The following FLVCR2 variants were observed in gnomAD, a reference collection of about 807,000 sequenced individuals.
FLVCR2 encodes choline/ethanolamine transporter FLVCR2.
FLVCR2 carries 38 observed loss-of-function variants against 48.9 expected under a neutral mutation model. The observed-to-expected ratio is 0.78, with a 90% CI of 0.60 to 1.02. The LOEUF (loss-of-function observed/expected upper bound fraction) is 1.02, where lower values mean the gene tolerates loss of function less well. FLVCR2 is among the 50% of genes least tolerant of loss of function. The pLI is 0.00. For synonymous variants in FLVCR2, 255 were observed against 257.0 expected, an observed-to-expected ratio of 0.99 and a Z score of 0.07; for missense variants, 664 against 663.3, an observed-to-expected ratio of 1.00 and a Z score of -0.01.
At position 75,579,177 on chromosome 14, in the gene FLVCR2, AG is replaced by A. The variant is rs779695885; in HGVS notation, c.206del (p.Ser69ThrfsTer9). 6.2e-7 allele frequency: 1 copy of A among 1,614,114 alleles called. No homozygotes were observed. Among genetic ancestry groups the A allele is most frequent in the Non-Finnish European group, 8.5e-7 (1 of 1,180,026 alleles). ...AQPSGLAHPS[S>X]SGPEDLSVIK... ...ACCCAGTGGCTTGGCTCACCCCAGT[AG>A]CTCGGGCCCTGAGGACCTCAGCGTG... On this transcript the variant is annotated frameshift_variant, in exon 1 of 10. Coordinates refer to ENST00000238667, the MANE Select transcript of FLVCR2 (RefSeq NM_017791.3). LOFTEE classifies it high-confidence loss of function.
chr14:75,624,482 A>T, intron 2 of FLVCR2, 130 bp from the exon 3 acceptor site: 1 of 1,081,884 alleles, frequency 9.2e-7, no homozygotes, highest in Non-Finnish European at 1.4e-6. Context: ...GGGTTTAATT[A>T]AAGAATTACT....
At chr14:75,614,380 GCGCCA>G (rs1889553313) in intron 1 of FLVCR2, among the ~76,000 whole-genome samples, 1 of 152,170 alleles carries the variant, frequency 6.6e-6, no homozygotes, top group South Asian at 2.1e-4. Context: ...TATTGAGTAA[GCGCCA>G]GACTAGCAAG....
chr14:75,618,586 A>G (rs558565861), intron 1 of FLVCR2, among the ~76,000 whole-genome samples: 1 of 152,340 alleles, frequency 6.6e-6, no homozygotes, highest in Admixed American at 6.5e-5. Context: ...TTGCCTTCCC[A>G]AGGTGGGTCT....
chr14:75,633,361 A>AT (rs1232462483), intron 3 of FLVCR2, among the ~76,000 whole-genome samples: 1 of 152,168 alleles, frequency 6.6e-6, no homozygotes, highest in East Asian at 1.9e-4. Flanking sequence ...AACAGAATCT[A>AT]TTTTCCAGGG....
In FLVCR2 at chr14:75,634,953, T is replaced by C. The variant is rs187350033; in HGVS notation, c.1064T>C (p.Ile355Thr). 6.8e-6 allele frequency: 11 copies of C among 1,614,120 alleles called. No homozygotes were observed. The Admixed American group carries it at 1.3e-4, about 20-fold the overall frequency. Reference sequence around the variant, plus strand: ...GGAAGAATTGGCCTGACGATCGTCATTGCAGGAATGCTTGGGGCTGTGATC... The same window carrying C: ...GGAAGAATTGGCCTGACGATCGTCACTGCAGGAATGCTTGGGGCTGTGATC... ...NAGRIGLTIV[I>T]AGMLGAVISG... is the part of the protein sequence containing the mutation. The change falls in exon 5 of 10, where the codon ATT becomes ACT. Residue 355 changes from isoleucine to threonine, a missense_variant. Ile to Thr is a moderately conservative substitution (Grantham distance 89, BLOSUM62 -1). Transcript: ENST00000238667.
chr14:75,588,702 C>G (rs934178218), intron 1 of FLVCR2, among the ~76,000 whole-genome samples: 5 of 152,188 alleles, frequency 3.3e-5, no homozygotes, highest in African/African-American at 1.2e-4. Context: ...TGGTCTTGAA[C>G]TCCTGACCTC....
At chr14:75,626,367 G>T (rs1486563230) in intron 3 of FLVCR2, among the ~76,000 whole-genome samples, 1 of 151,774 alleles carries the variant, frequency 6.6e-6, no homozygotes, top group African/African-American at 2.4e-5. Context: ...TTCATTTTAG[G>T]CTCAACAATA....
intron 1 of FLVCR2, among the ~76,000 whole-genome samples, chr14:75,597,350 A>G (rs962721432): frequency 4.6e-5 from 7 of 151,836 alleles, no homozygotes; most frequent in Non-Finnish European, 1.0e-4. Flanking sequence ...CATGGAACTG[A>G]ATTTCAGTTC....
intron 5 of FLVCR2, 50 bp from the exon 6 acceptor site, chr14:75,639,302 C>T (rs773111814): frequency 9.3e-7 from 1 of 1,080,948 alleles, no homozygotes; most frequent in Non-Finnish European, 1.4e-6. Context: ...AATGAATGAG[C>T]CTATTAAAGT....
chr14:75,603,499 A>G (rs1192620359), intron 1 of FLVCR2, among the ~76,000 whole-genome samples: 1 of 152,300 alleles, frequency 6.6e-6, no homozygotes, highest in African/African-American at 2.4e-5. Context: ...AGCCACTTCT[A>G]TCGGCAATAA....
chr14:75,603,282 C>T (rs1416323134), intron 1 of FLVCR2, among the ~76,000 whole-genome samples: 1 of 152,206 alleles, frequency 6.6e-6, no homozygotes, highest in African/African-American at 2.4e-5. Context: ...GGCCAACCCC[C>T]ATCCTATAGC....
At chr14:75,587,746 C>T (rs1888786136) in intron 1 of FLVCR2, among the ~76,000 whole-genome samples, 1 of 152,130 alleles carries the variant, frequency 6.6e-6, no homozygotes, top group South Asian at 2.1e-4. Context: ...GTGCAAGGGT[C>T]AAAAGAAAAC....
chr14:75,641,709 C>T (rs1387377604), intron 8 of FLVCR2, 134 bp from the exon 9 acceptor site: 1 of 821,318 alleles, frequency 1.2e-6, no homozygotes, highest in Non-Finnish European at 2.1e-6. Flanking sequence ...ATGGTGCCCT[C>T]AGTCACCAGC....
chr14:75,579,402 C>T lies in FLVCR2; in HGVS notation c.430C>T (p.Leu144=). ...YIPLLLPVAW[L]LEKFGLRTIA... ...CCCTCTGCTCCTGCCAGTGGCTTGGCTGCTGGAGAAGTTCGGCCTGCGCAC... is the reference window on the plus strand; with the variant it reads ...CCCTCTGCTCCTGCCAGTGGCTTGGTTGCTGGAGAAGTTCGGCCTGCGCAC... The change falls in exon 1 of 10, where the codon CTG becomes TTG. Residue 144 remains leucine, a synonymous_variant. Transcript: ENST00000238667. 2 of 1,614,158 alleles carry T rather than the reference C, an allele frequency of 1.2e-6. No homozygotes were observed.
chr14:75,618,749 T>C (rs953403008), intron 1 of FLVCR2, among the ~76,000 whole-genome samples: 1 of 152,336 alleles, frequency 6.6e-6, no homozygotes, highest in Admixed American at 6.5e-5. Flanking sequence ...GACTTCCGTG[T>C]TGACTAGTAT....
chr14:75,601,054 A>C (rs1051553727), intron 1 of FLVCR2, among the ~76,000 whole-genome samples: 11 of 152,374 alleles, frequency 7.2e-5, no homozygotes, highest in African/African-American at 2.6e-4. Flanking sequence ...CACAGCATTC[A>C]GAGCCGAGAA....
intron 3 of FLVCR2, among the ~76,000 whole-genome samples, chr14:75,628,085 T>C (rs998472177): frequency 6.6e-6 from 1 of 152,240 alleles, no homozygotes; most frequent in Non-Finnish European, 1.5e-5. Context: ...TTTCCTACTG[T>C]GTTTGTTCCA....
intron 1 of FLVCR2, among the ~76,000 whole-genome samples, chr14:75,596,779 TG>T (rs1889031301): frequency 9.4e-6 from 1 of 106,472 alleles, no homozygotes; most frequent in Non-Finnish European, 2.0e-5. Context: ...ACTCCTCTTT[TG>T]CCCCCCCCCC....
At chr14:75,620,541 A>G (rs1270287053) in intron 1 of FLVCR2, among the ~76,000 whole-genome samples, 1 of 152,258 alleles carries the variant, frequency 6.6e-6, no homozygotes, top group Admixed American at 6.5e-5. Context: ...TTAACCCACA[A>G]ATATGGCCAG....
Sources: allele counts gnomAD v4.1 joint callset (sites outside exome capture counted in the v4.1 genomes callset), GRCh38; gene constraint gnomAD v4.1.1; transcripts MANE v1.5; gene names NCBI Gene and HGNC (gene_info 2026-07-23, HGNC 2026-07-21).